Variants in OR4C6 observed in about 807,000 individuals in gnomAD.
The protein encoded by OR4C6 is olfactory receptor 4C6.
Under a neutral mutation model 13.9 loss-of-function variants are expected in OR4C6, and 20 were observed. The ratio of observed to expected loss-of-function variants is 1.43; its 90% confidence interval spans 1.01 to 2.08. The LOEUF is 2.08. Among genes scored for constraint, OR4C6 ranks in the 30% most tolerant of loss-of-function variants. The probability of loss-of-function intolerance (pLI) is 0.00; values close to 1 mark genes in which losing one functional copy is unlikely to be tolerated. For synonymous variants in OR4C6, 193 were observed against 141.5 expected, an observed-to-expected ratio of 1.36 and a Z score of -2.58; for missense variants, 555 against 381.2, an observed-to-expected ratio of 1.46 and a Z score of -3.80.
chr11:55,664,644 T>G (rs77747330), intron 1 of OR4C6, among the ~76,000 whole-genome samples: 1 of 152,028 alleles, frequency 6.6e-6, no homozygotes, highest in Non-Finnish European at 1.5e-5. Context: ...CTAGAGAAGC[T>G]GTATTGATAT....
chr11:55,665,427 C>T lies in OR4C6; in HGVS notation c.261C>T (p.Ser87=). 2.5e-6 allele frequency: 4 copies of T among 1,613,866 alleles called. No individual in the cohort carries two copies. The highest frequency in any genetic ancestry group is 3.4e-6 in the Non-Finnish European group (4 of 1,179,974). The change falls in exon 2 of 2, where the codon AGC becomes AGT. Residue 87 remains serine, a synonymous_variant. Coordinates refer to ENST00000314259, the MANE Select transcript of OR4C6 (RefSeq NM_001004704.2). Reference sequence around the variant, plus strand: ...TGATTGTAGACACCCTCTCCAAGAGCACTACCATCTCTCTCAAAGGCTGCC... The same window carrying T: ...TGATTGTAGACACCCTCTCCAAGAGTACTACCATCTCTCTCAAAGGCTGCC... ...PKVIVDTLSK[S]TTISLKGCLT... is the part of the protein sequence containing the mutation.
Position 55,665,521 on chromosome 11 carries a change from GA to G in OR4C6, c.356del (p.Asp119AlafsTer16), listed in dbSNP as rs745934854. The G allele has an allele frequency of 1.9e-6, 3 of 1,613,794 alleles. No homozygotes were observed. In the East Asian group the frequency reaches 6.7e-5, roughly 36 times the overall value. On this transcript the variant is annotated frameshift_variant, in exon 2 of 2. Transcript: ENST00000314259. LOFTEE classifies it high-confidence loss of function. ...CATCCTCCTCACTGTGATGGCCTAT[GA>G]CCGCTACGTGGCCATCTGTAAGCCC... is the stretch of plus-strand genomic sequence containing the variant. ...GIILLTVMAY[D>X]RYVAICKPLH...
In OR4C6 at chr11:55,665,664, C is replaced by A; in HGVS notation, c.498C>A (p.Phe166Leu). 1 of 1,613,950 alleles carries A rather than the reference C, an allele frequency of 6.2e-7. No individual in the cohort carries two copies. Among genetic ancestry groups the A allele is most frequent in the South Asian group, 1.1e-5 (1 of 91,084 alleles). Reference protein sequence around the residue: ...IQLLFMYQIPFCGPNIIDHFI... With the variant: ...IQLLFMYQIPLCGPNIIDHFI... ...TTCTCTTCATGTATCAAATACCCTT[C>A]TGTGGTCCTAATATCATAGATCACT... The change falls in exon 2 of 2, where the codon TTC becomes TTA. Residue 166 changes from phenylalanine to leucine, a missense_variant. Phe to Leu is a conservative substitution (Grantham distance 22). Transcript: ENST00000314259.
chr11:55,664,506 GAATC>G (rs1343084438), intron 1 of OR4C6, among the ~76,000 whole-genome samples: 1 of 151,918 alleles, frequency 6.6e-6, no homozygotes, highest in African/African-American at 2.4e-5. Context: ...AATTGGAAAA[GAATC>G]AATATTTTTT....
chr11:55,665,677 A>G lies in OR4C6; in HGVS notation c.511A>G (p.Ile171Val). The G allele has an allele frequency of 1.2e-6, 2 of 1,613,888 alleles. No individual in the cohort carries two copies. The highest frequency in any genetic ancestry group is 2.2e-5 in the East Asian group (1 of 44,868). Residue 171 changes from isoleucine (I) to valine (V), a missense_variant, in exon 2 of 2, where the codon ATC becomes GTC. Physicochemically the swap from Ile to Val is conservative, Grantham distance 29 (BLOSUM62 3). Coordinates refer to ENST00000314259, the MANE Select transcript of OR4C6 (RefSeq NM_001004704.2). Reference sequence around the variant, plus strand: ...TCAAATACCCTTCTGTGGTCCTAATATCATAGATCACTTTATATGTGATTT... The same window carrying G: ...TCAAATACCCTTCTGTGGTCCTAATGTCATAGATCACTTTATATGTGATTT... ...MYQIPFCGPNIIDHFICDLFQ... is the reference protein window; with the variant it reads ...MYQIPFCGPNVIDHFICDLFQ...
chr11:55,665,500 C>G lies in OR4C6; in HGVS notation c.334C>G (p.Leu112Val), dbSNP rs144349650. 548 of 1,613,802 alleles carry G rather than the reference C, an allele frequency of 3.4e-4. 6 individuals carry two copies. In the East Asian group the frequency reaches 0.011, roughly 33 times the overall value. ...TTTCTTTGGTGGTGTGGGGATCATC[C>G]TCCTCACTGTGATGGCCTATGACCG... ...EHFFGGVGII[L>V]LTVMAYDRYV... Residue 112 changes from leucine to valine, a missense_variant, in exon 2 of 2, where the codon CTC becomes GTC. Coordinates refer to ENST00000314259, the MANE Select transcript of OR4C6 (RefSeq NM_001004704.2).
intron 1 of OR4C6, 80 bp from the exon 2 acceptor site, chr11:55,665,045 A>C (rs939789677): frequency 1.5e-6 from 1 of 648,164 alleles, no homozygotes. Flanking sequence ...GGGTAAAAAC[A>C]AAGAACAAAT....
rs1444726028 is a variant in OR4C6 at position 55,665,276 on chromosome 11, T to A, written c.110T>A (p.Val37Glu). Residue 37 changes from valine to glutamate, a missense_variant, in exon 2 of 2, where the codon GTG becomes GAG. Val to Glu is a moderately radical substitution (Grantham distance 121). Transcript: ENST00000314259. Reference protein sequence around the residue: ...AVFLVMYVATVLENLLIVVTI... With the variant: ...AVFLVMYVATELENLLIVVTI... ...TTTCTTGTCATGTATGTAGCCACAGTGCTGGAAAATCTACTTATTGTGGTA... is the reference window on the plus strand; with the variant it reads ...TTTCTTGTCATGTATGTAGCCACAGAGCTGGAAAATCTACTTATTGTGGTA... The A allele has an allele frequency of 6.2e-7, 1 of 1,612,948 alleles. No homozygotes were observed.
At chr11:55,664,757 A>T (rs2134330340) in intron 1 of OR4C6, among the ~76,000 whole-genome samples, 1 of 152,140 alleles carries the variant, frequency 6.6e-6, no homozygotes, top group South Asian at 2.1e-4. Flanking sequence ...GTATGAGAGT[A>T]CGTTCCTGTT....
chr11:55,662,409 T>G (rs1276774760), intron 1 of OR4C6, among the ~76,000 whole-genome samples, 161 bp downstream of exon 1: 5 of 138,990 alleles, frequency 3.6e-5, no homozygotes, highest in African/African-American at 1.3e-4. Context: ...GGCACCAGCA[T>G]TATCTATGTC....
chr11:55,665,976 T>C lies in OR4C6; in HGVS notation c.810T>C (p.Ala270=), dbSNP rs1297958058. 5.0e-6 allele frequency: 8 copies of C among 1,613,546 alleles called. No homozygotes were observed. In the East Asian group the frequency reaches 1.6e-4, roughly 31 times the overall value. The stretch of plus-strand genomic sequence containing the variant: ...CTCACCCCATAGACAAGGCAATGGC[T>C]GTGTCAGACTCAATCATCACACCCA... The part of the protein sequence containing the change: ...VVTHPIDKAM[A]VSDSIITPML... The change falls in exon 2 of 2, where the codon GCT becomes GCC. Residue 270 remains alanine, a synonymous_variant. Transcript: ENST00000314259.
rs756482283 is a variant in OR4C6 at position 55,665,386 on chromosome 11, G to A, written c.220G>A (p.Val74Ile). Residue 74 changes from valine to isoleucine, a missense_variant, in exon 2 of 2, where the codon GTC becomes ATC. Coordinates refer to ENST00000314259, the MANE Select transcript of OR4C6 (RefSeq NM_001004704.2). Reference protein sequence around the residue: ...LSLLDVMFSSVVAPKVIVDTL... With the variant: ...LSLLDVMFSSIVAPKVIVDTL... ...CCTTTTGGATGTCATGTTCTCATCT[G>A]TCGTTGCCCCCAAGGTGATTGTAGA... 6.2e-6 allele frequency: 10 copies of A among 1,613,596 alleles called. No individual in the cohort carries two copies. In the East Asian group the frequency reaches 1.6e-4, roughly 25 times the overall value.
chr11:55,665,269 G>A lies in OR4C6; in HGVS notation c.103G>A (p.Ala35Thr), dbSNP rs1332043267. The A allele has an allele frequency of 5.6e-6, 9 of 1,612,040 alleles. No homozygotes were observed. In the Admixed American group the frequency reaches 1.5e-4, roughly 27 times the overall value. The part of the protein sequence containing the change: ...FSAVFLVMYV[A>T]TVLENLLIVV... ...TGCTGTGTTTCTTGTCATGTATGTA[G>A]CCACAGTGCTGGAAAATCTACTTAT... The change falls in exon 2 of 2, where the codon GCC (alanine) becomes ACC (threonine). Residue 35 changes from alanine (A) to threonine (T), a missense_variant. Coordinates refer to ENST00000314259, the MANE Select transcript of OR4C6 (RefSeq NM_001004704.2).
In OR4C6 at chr11:55,665,813, A is replaced by G. The variant is rs747527406; in HGVS notation, c.647A>G (p.Tyr216Cys). 17 of 1,613,918 alleles carry G rather than the reference A, an allele frequency of 1.1e-5. No homozygotes were observed. In the Middle Eastern group the frequency reaches 2.3e-3, roughly 219 times the overall value. ...ATCTTTCTTATCTTAATTGCGTCCT[A>G]CACGGTCATCCTATGCTCCCTGAAG... is the stretch of plus-strand genomic sequence containing the variant. ...VAIFLILIASYTVILCSLKSY... is the reference protein window; with the variant it reads ...VAIFLILIASCTVILCSLKSY... The change falls in exon 2 of 2, where the codon TAC (tyrosine) becomes TGC (cysteine). Residue 216 changes from tyrosine to cysteine, a missense_variant. Tyr to Cys is a radical substitution (Grantham distance 194). Transcript: ENST00000314259.
intron 1 of OR4C6, among the ~76,000 whole-genome samples, chr11:55,663,443 C>T (rs907060676): frequency 2.9e-5 from 4 of 137,642 alleles, no homozygotes; most frequent in African/African-American, 1.0e-4. Context: ...AATGAACAAC[C>T]CCTCTAAGGA....
chr11:55,665,602 G>C lies in OR4C6; in HGVS notation c.436G>C (p.Ala146Pro). Residue 146 changes from alanine to proline, a missense_variant, in exon 2 of 2, where the codon GCT becomes CCT. Ala to Pro is a conservative substitution (Grantham distance 27, BLOSUM62 -1). Coordinates refer to ENST00000314259, the MANE Select transcript of OR4C6 (RefSeq NM_001004704.2). ...PRVCCLMVGG[A>P]WVGGFMHAMI... Reference sequence around the variant, plus strand: ...GGTGTGCTGCCTAATGGTAGGAGGGGCTTGGGTGGGGGGATTTATGCACGC... The same window carrying C: ...GGTGTGCTGCCTAATGGTAGGAGGGCCTTGGGTGGGGGGATTTATGCACGC... 1 of 1,613,888 alleles carries C rather than the reference G, an allele frequency of 6.2e-7. No homozygotes were observed. Among genetic ancestry groups the C allele is most frequent in the Non-Finnish European group, 8.5e-7 (1 of 1,179,966 alleles).
chr11:55,664,217 C>T (rs1440005449), intron 1 of OR4C6, among the ~76,000 whole-genome samples: 1 of 152,016 alleles, frequency 6.6e-6, no homozygotes, highest in African/African-American at 2.4e-5. Context: ...ATATGGCTAA[C>T]ATATCTGGCA....
chr11:55,665,178 A>T lies in OR4C6; in HGVS notation c.12A>T (p.Gln4His), dbSNP rs1858720685. 6.2e-7 allele frequency: 1 copy of T among 1,606,988 alleles called. No homozygotes were observed. Among genetic ancestry groups the T allele is most frequent in the Non-Finnish European group, 8.5e-7 (1 of 1,175,744 alleles). The change falls in exon 2 of 2, where the codon CAA becomes CAT. Residue 4 changes from glutamine to histidine, a missense_variant. Coordinates refer to ENST00000314259, the MANE Select transcript of OR4C6 (RefSeq NM_001004704.2). ...TCAACACCTGAGAAATGGAAAATCA[A>T]AACAATGTGACTGAATTCATTCTTC... MEN[Q>H]NNVTEFILLG...
rs1178237728 is a variant in OR4C6 at position 55,665,486 on chromosome 11, G to A, written c.320G>A (p.Gly107Asp). 6 of 1,613,836 alleles carry A rather than the reference G, an allele frequency of 3.7e-6. No homozygotes were observed. Among genetic ancestry groups the A allele is most frequent in the Non-Finnish European group, 5.1e-6 (6 of 1,179,988 alleles). Residue 107 changes from glycine (G) to aspartate (D), a missense_variant, in exon 2 of 2, where the codon GGT becomes GAT. Gly to Asp is a moderately conservative substitution (Grantham distance 94). Coordinates refer to ENST00000314259, the MANE Select transcript of OR4C6 (RefSeq NM_001004704.2). Reference protein sequence around the residue: ...TQLFVEHFFGGVGIILLTVMA... With the variant: ...TQLFVEHFFGDVGIILLTVMA... The stretch of plus-strand genomic sequence containing the variant: ...CTGTTTGTGGAGCATTTCTTTGGTG[G>A]TGTGGGGATCATCCTCCTCACTGTG...
Sources: gnomAD v4.1 joint callset for allele counts (sites outside exome capture counted in the v4.1 genomes callset) on GRCh38, gnomAD v4.1.1 for gene constraint, MANE v1.5 for transcripts, NCBI Gene and HGNC (gene_info 2026-07-23, HGNC 2026-07-21) for gene names.